Variants in TRIOBP observed in about 807,000 individuals in gnomAD.
The protein encoded by TRIOBP is TRIO and F-actin-binding protein.
In TRIOBP, 169 loss-of-function variants were observed where a neutral mutation model predicts 238.8. The observed-to-expected ratio is 0.71, with a 90% confidence interval of 0.62 to 0.80. TRIOBP has a LOEUF of 0.80. Among genes scored for constraint, TRIOBP ranks in the 30% least tolerant of loss-of-function variants. The pLI, the probability that TRIOBP is intolerant of heterozygous loss-of-function variation, is 0.00. For synonymous variants in TRIOBP, 1,150 were observed against 1,274.4 expected, an observed-to-expected ratio of 0.90 and a Z score of 2.08; for missense variants, 2,838 against 3,122.6, an observed-to-expected ratio of 0.91 and a Z score of 2.17.
rs1445540356 is a variant in TRIOBP at position 37,733,279 on chromosome 22, T to C, written c.3948-19T>C. The C allele has an allele frequency of 2.0e-6, 3 of 1,528,332 alleles. No individual in the cohort carries two copies. The highest frequency in any genetic ancestry group is 2.5e-5 in the East Asian group (1 of 40,776). 94.7% of individuals were successfully genotyped at this position (1,528,332 alleles called of 1,614,324 possible). On this transcript the variant is annotated intron_variant, in intron 7 of 23. Coordinates refer to ENST00000644935, the MANE Select transcript of TRIOBP (RefSeq NM_001039141.3). The stretch of plus-strand genomic sequence containing the variant: ...GGAGTGGGACAGTCCCTCAGAGGAG[T>C]GGCTGCATTTGCTCATAGGAAGTCC...
At chr22:37,711,765 G>A (rs1317228744) in intron 4 of TRIOBP, among the ~76,000 whole-genome samples, 1 of 152,112 alleles carries the variant, frequency 6.6e-6, no homozygotes, top group Non-Finnish European at 1.5e-5. Context: ...TTTGGGTAAC[G>A]GAAGTAGAGA....
intron 21 of TRIOBP, among the ~76,000 whole-genome samples, chr22:37,770,165 G>A (rs1173264765): frequency 7.4e-5 from 11 of 149,438 alleles, no homozygotes; most frequent in Non-Finnish European, 1.2e-4. Flanking sequence ...CTGGCCGGGC[G>A]CGGTGGCTCA....
At chr22:37,762,795 G>T (rs1926310475) in intron 17 of TRIOBP, among the ~76,000 whole-genome samples, 1 of 152,140 alleles carries the variant, frequency 6.6e-6, no homozygotes, top group Admixed American at 6.5e-5. Context: ...AGTGACAGCT[G>T]GGAGGGATTC....
chr22:37,755,232 G>A (rs1362227386), intron 14 of TRIOBP, 42 bp downstream of exon 14: 1 of 1,584,412 alleles, frequency 6.3e-7, no homozygotes, highest in Non-Finnish European at 8.6e-7. Context: ...TGGGCAGCAT[G>A]GCTGGAGGTC....
chr22:37,725,150 G>A lies in TRIOBP; in HGVS notation c.2594G>A (p.Gly865Glu). Residue 865 changes from glycine to glutamate, a missense_variant, in exon 7 of 24, where the codon GGA (glycine) becomes GAA (glutamate). By Grantham distance (98) the Gly-to-Glu change is moderately conservative. Transcript: ENST00000644935. ...QSFSFQRDNP[G>E]TSSSQCCTQK... ...TTTTCCTTTCAACGAGACAACCCTG[G>A]AACCTCCTCATCTCAATGCTGCACC... is the stretch of plus-strand genomic sequence containing the variant. 6.2e-7 allele frequency: 1 copy of A among 1,614,034 alleles called. No individual in the cohort carries two copies. The highest frequency in any genetic ancestry group is 8.5e-7 in the Non-Finnish European group (1 of 1,180,002).
At chr22:37,701,039 C>A (rs1922618151) in intron 2 of TRIOBP, among the ~76,000 whole-genome samples, 1 of 152,136 alleles carries the variant, frequency 6.6e-6, no homozygotes, top group African/African-American at 2.4e-5. Context: ...AATGCAGAGT[C>A]CTTGGCGTGC....
At chr22:37,705,583 T>G (rs1033836551) in intron 3 of TRIOBP, among the ~76,000 whole-genome samples, 7 of 151,142 alleles carry the variant, frequency 4.6e-5, no homozygotes, top group African/African-American at 1.7e-4. Flanking sequence ...GTTTTGTTTT[T>G]GTTTTTTTTT....
In TRIOBP at chr22:37,701,409, C is replaced by A. The variant is rs1264952661; in HGVS notation, c.44C>A (p.Ala15Asp). ...PGDALCEHFE[A>D]NILTQNRCQN... ...GATGCCCTGTGTGAACACTTTGAGG[C>A]CAACATACTTACCCAGAACCGCTGT... is the stretch of plus-strand genomic sequence containing the variant. Residue 15 changes from alanine (A) to aspartate (D), a missense_variant, in exon 3 of 24, where the codon GCC becomes GAC. Coordinates refer to ENST00000644935, the MANE Select transcript of TRIOBP (RefSeq NM_001039141.3). The A allele has an allele frequency of 6.2e-7, 1 of 1,613,866 alleles. No homozygotes were observed. Among genetic ancestry groups the A allele is most frequent in the South Asian group, 1.1e-5 (1 of 90,968 alleles).
In TRIOBP at chr22:37,723,610, G is replaced by A; in HGVS notation, c.1054G>A (p.Asp352Asn). ...CTCTCCCTCACGAAGCACCCAACTG[G>A]ATAACCCCAGAACCTCTTCTACCCA... is the stretch of plus-strand genomic sequence containing the variant. ...ASSPSRSTQL[D>N]NPRTSSTQQD... The change falls in exon 7 of 24, where the codon GAT becomes AAT. Residue 352 changes from aspartate (D) to asparagine (N), a missense_variant. Physicochemically the swap from Asp to Asn is conservative, Grantham distance 23 (BLOSUM62 1). Coordinates refer to ENST00000644935, the MANE Select transcript of TRIOBP (RefSeq NM_001039141.3). 1 of 1,613,934 alleles carries A rather than the reference G, an allele frequency of 6.2e-7. No individual in the cohort carries two copies. The highest frequency in any genetic ancestry group is 8.5e-7 in the Non-Finnish European group (1 of 1,179,994).
At chr22:37,711,793 C>T (rs1372052202) in intron 4 of TRIOBP, among the ~76,000 whole-genome samples, 8 of 152,140 alleles carry the variant, frequency 5.3e-5, no homozygotes, top group African/African-American at 1.9e-4. Context: ...CATTTGACTA[C>T]AGAGCTCTTT....
At chr22:37,766,877 C>T (rs1926522872) in intron 18 of TRIOBP, among the ~76,000 whole-genome samples, 1 of 151,624 alleles carries the variant, frequency 6.6e-6, no homozygotes, top group Non-Finnish European at 1.5e-5. Flanking sequence ...AGGAGAATCT[C>T]TTGAACCCAG....
intron 4 of TRIOBP, among the ~76,000 whole-genome samples, chr22:37,712,830 G>T (rs931974879): frequency 1.3e-5 from 2 of 151,632 alleles, no homozygotes; most frequent in Non-Finnish European, 2.9e-5. Flanking sequence ...GGTGGCGGGC[G>T]CCTGTAGTCC....
chr22:37,711,481 A>G (rs1923232264), intron 4 of TRIOBP, among the ~76,000 whole-genome samples: 1 of 151,454 alleles, frequency 6.6e-6, no homozygotes, highest in Non-Finnish European at 1.5e-5. Context: ...CGGGAGGCTG[A>G]GGCAGGAGAA....
Position 37,757,861 on chromosome 22 carries a change from T to C in TRIOBP, c.5936T>C (p.Leu1979Pro), listed in dbSNP as rs727503524. The part of the protein sequence containing the change: ...LAKQEELERD[L>P]AQRSEERRKW... ...AAGCAGGAGGAGCTGGAGCGGGACC[T>C]GGCCCAGCGCTCCGAGGAGCGGCGC... Residue 1979 changes from leucine to proline, a missense_variant, in exon 16 of 24, where the codon CTG becomes CCG. Transcript: ENST00000644935. 3.6e-5 allele frequency: 56 copies of C among 1,552,412 alleles called. 1 individual carries two copies. The South Asian group carries it at 6.3e-4, about 17-fold the overall frequency.
chr22:37,745,776 C>A (rs1925191771), intron 11 of TRIOBP, among the ~76,000 whole-genome samples: 1 of 152,206 alleles, frequency 6.6e-6, no homozygotes, highest in African/African-American at 2.4e-5. Flanking sequence ...GAGTGGGACC[C>A]GCTGAGTCGT....
chr22:37,725,314 C>T lies in TRIOBP; in HGVS notation c.2758C>T (p.Arg920Ter), dbSNP rs1328461856. 2.5e-6 allele frequency: 4 copies of T among 1,613,912 alleles called. No homozygotes were observed. The highest frequency in any genetic ancestry group is 3.4e-6 in the Non-Finnish European group (4 of 1,179,988). Residue 920 changes from arginine (R) to a stop codon, truncating the protein, a stop_gained, in exon 7 of 24, where the codon CGA becomes TGA. Coordinates refer to ENST00000644935, the MANE Select transcript of TRIOBP (RefSeq NM_001039141.3). LOFTEE classifies it high-confidence loss of function. ...PLRPTQSDGPRTSSPSRSKQS... is the reference protein window; with the variant it reads ...PLRPTQSDGP ...CCGGCCAACTCAGAGTGATGGTCCCCGAACCTCTTCCCCATCTCGCTCCAA... is the reference window on the plus strand; with the variant it reads ...CCGGCCAACTCAGAGTGATGGTCCCTGAACCTCTTCCCCATCTCGCTCCAA...
chr22:37,750,757 G>GT, intron 11 of TRIOBP: 1 of 470,804 alleles, frequency 2.1e-6, no homozygotes, highest in Non-Finnish European at 4.4e-6. Context: ...TACCTGAGAA[G>GT]GGGCTCCGTG....
intron 6 of TRIOBP, among the ~76,000 whole-genome samples, chr22:37,717,036 A>T (rs1923557486): frequency 6.6e-6 from 1 of 152,162 alleles, no homozygotes; most frequent in Non-Finnish European, 1.5e-5. Context: ...CCCTCGCGAT[A>T]TTACAGTTCT....
chr22:37,764,266 C>G (rs1425711126), intron 17 of TRIOBP, among the ~76,000 whole-genome samples: 1 of 152,234 alleles, frequency 6.6e-6, no homozygotes, highest in Non-Finnish European at 1.5e-5. Flanking sequence ...ATTCTGCCCC[C>G]TACAATATCC....
Sources: gnomAD v4.1 joint callset for allele counts (sites outside exome capture counted in the v4.1 genomes callset) on GRCh38, gnomAD v4.1.1 for gene constraint, MANE v1.5 for transcripts, NCBI Gene and HGNC (gene_info 2026-07-23, HGNC 2026-07-21) for gene names.